The following SRBD1 variants were observed in gnomAD, a reference collection of about 807,000 sequenced individuals.
The protein encoded by SRBD1 is S1 RNA-binding domain-containing protein 1.
In SRBD1, 88 loss-of-function variants were observed where a neutral mutation model predicts 115.3. The observed-to-expected ratio is 0.76, with a 90% CI of 0.64 to 0.91. SRBD1 has a LOEUF of 0.91. Ranked by LOEUF, SRBD1 falls within the 40% of genes least tolerant of loss-of-function variation. The pLI is 0.00. For missense variants in SRBD1, 1,385 were observed against 1,177.4 expected, an observed-to-expected ratio of 1.18 and a Z score of -2.58; for synonymous variants, 509 against 407.7, an observed-to-expected ratio of 1.25 and a Z score of -2.99.
At position 45,599,785 on chromosome 2, in the gene SRBD1, T is replaced by C. The variant is rs1397993165; in HGVS notation, c.312A>G (p.Lys104=). ...ADTALEDRKN[K]LDTVQTLKTA... ...TTTTCAGAGTCTGTACAGTATCCAA[T>C]TTATTTTTTCTGTCTTCTAAAGCAG... Residue 104 remains lysine (K), a synonymous_variant, in exon 4 of 21, where the codon AAA becomes AAG. Transcript: ENST00000263736. 1 of 1,614,026 alleles carries C rather than the reference T, an allele frequency of 6.2e-7. No homozygotes were observed. The highest frequency in any genetic ancestry group is 1.1e-5 in the South Asian group (1 of 91,046).
chr2:45,459,404 G>C (rs1669247969), intron 16 of SRBD1, among the ~76,000 whole-genome samples: 1 of 152,154 alleles, frequency 6.6e-6, no homozygotes, highest in African/African-American at 2.4e-5. Flanking sequence ...TGTTTTGGAA[G>C]CTTTCCCCAT....
At position 45,579,772 on chromosome 2, in the gene SRBD1, T is replaced by C; in HGVS notation, c.1072+103A>G. On this transcript the variant is annotated intron_variant, in intron 7 of 20. Transcript: ENST00000263736. ...TTATTCTACATACGCTGTAATATTC[T>C]TTTGTATAATCAGTACTTAACAAAA... 10 of 1,294,024 alleles carry C rather than the reference T, an allele frequency of 7.7e-6. No homozygotes were observed. The South Asian group carries it at 1.1e-4, about 15-fold the overall frequency. The allele number at this position is 1,294,024 out of a possible 1,614,324, so 80.2% of individuals were successfully genotyped here.
At chr2:45,588,624 C>T (rs1228872954) in intron 4 of SRBD1, among the ~76,000 whole-genome samples, 1 of 152,140 alleles carries the variant, frequency 6.6e-6, no homozygotes, top group Non-Finnish European at 1.5e-5. Context: ...CTAACTCCAG[C>T]TCTACAGCAT....
chr2:45,520,195 C>G (rs1010333495), intron 14 of SRBD1, among the ~76,000 whole-genome samples: 1 of 152,220 alleles, frequency 6.6e-6, no homozygotes, highest in African/African-American at 2.4e-5. Context: ...ACAAAAACAG[C>G]AGCAGGGTAC....
chr2:45,413,415 A>G, intron 18 of SRBD1, 122 bp from the exon 19 acceptor site: 1 of 1,154,038 alleles, frequency 8.7e-7, no homozygotes, highest in Non-Finnish European at 1.2e-6. Flanking sequence ...CCAGATTTTG[A>G]CCTTTTACTT....
intron 16 of SRBD1, among the ~76,000 whole-genome samples, chr2:45,445,278 T>A (rs936322273): frequency 4.6e-5 from 7 of 152,276 alleles, no homozygotes; most frequent in Middle Eastern, 3.4e-3. Flanking sequence ...ACATTATTGA[T>A]GCAGATCTGT....
chr2:45,571,769 C>G (rs1328797368), intron 9 of SRBD1, among the ~76,000 whole-genome samples: 1 of 151,418 alleles, frequency 6.6e-6, no homozygotes, highest in East Asian at 1.9e-4. Flanking sequence ...GCCAGGGGTT[C>G]AACAGCAAAT....
At chr2:45,541,591 G>A (rs977763827) in intron 14 of SRBD1, among the ~76,000 whole-genome samples, 4 of 152,242 alleles carry the variant, frequency 2.6e-5, no homozygotes, top group African/African-American at 9.6e-5. Flanking sequence ...CTTTCCGCAG[G>A]CAGGTTGTCC....
intron 14 of SRBD1, among the ~76,000 whole-genome samples, chr2:45,536,108 A>T (rs1284192487): frequency 6.6e-6 from 1 of 152,036 alleles, no homozygotes; most frequent in Non-Finnish European, 1.5e-5. Context: ...AGCCCCTGGA[A>T]GTCAATGTGC....
Position 45,391,811 on chromosome 2 carries a change from T to G in SRBD1, c.2698+1134A>C, listed in dbSNP as rs140758169. Among the ~76,000 whole-genome samples the G allele has an allele frequency of 4.0e-3, 609 of 152,240 alleles. 6 individuals are homozygous for G. Among genetic ancestry groups the G allele is most frequent in the African/African-American group, 0.014 (565 of 41,522 alleles). ...TGGGATAATGGAACAATCGACACTA[T>G]GACAGAAAAATGAAGATGGATGTGA... On this transcript the variant is annotated intron_variant, in intron 20 of 20. Transcript: ENST00000263736.
intron 14 of SRBD1, among the ~76,000 whole-genome samples, chr2:45,503,716 T>C (rs1670710852): frequency 1.3e-5 from 2 of 152,184 alleles, no homozygotes; most frequent in African/African-American, 2.4e-5. Context: ...ATGTAAAATA[T>C]GTTTGATTCA....
intron 14 of SRBD1, among the ~76,000 whole-genome samples, chr2:45,491,448 A>G (rs1443129788): frequency 6.6e-6 from 1 of 152,208 alleles, no homozygotes; most frequent in Non-Finnish European, 1.5e-5. Flanking sequence ...GGGGGATTTT[A>G]ACTGCCACAG....
At chr2:45,484,588 G>A (rs1463598915) in intron 15 of SRBD1, among the ~76,000 whole-genome samples, 1 of 152,104 alleles carries the variant, frequency 6.6e-6, no homozygotes, top group Non-Finnish European at 1.5e-5. Flanking sequence ...TTTTATTGAG[G>A]TGAAATTCCC....
At chr2:45,408,690 AAGCCCTTTGGT>A (rs1161974329) in intron 19 of SRBD1, among the ~76,000 whole-genome samples, 16 of 152,292 alleles carry the variant, frequency 1.1e-4, no homozygotes, top group Admixed American at 1.0e-3. Context: ...AAAGACTTTT[AAGCCCTTTGGT>A]AGAGTAATTC....
chr2:45,414,461 ATAGT>A (rs1180204646), intron 18 of SRBD1, among the ~76,000 whole-genome samples: 2 of 150,570 alleles, frequency 1.3e-5, no homozygotes, highest in African/African-American at 2.5e-5. Context: ...TGTAGTATGT[ATAGT>A]GTGTATATAG....
At chr2:45,538,574 A>C (rs2104003439) in intron 14 of SRBD1, among the ~76,000 whole-genome samples, 1 of 152,340 alleles carries the variant, frequency 6.6e-6, no homozygotes, top group East Asian at 1.9e-4. Flanking sequence ...CTGAAATGAG[A>C]CTATGCTAAT....
At chr2:45,516,592 C>G (rs1364762902) in intron 14 of SRBD1, among the ~76,000 whole-genome samples, 2 of 152,152 alleles carry the variant, frequency 1.3e-5, no homozygotes, top group Non-Finnish European at 2.9e-5. Flanking sequence ...AGAGATAATT[C>G]TCTACATTGC....
chr2:45,475,801 C>T (rs970145960), intron 16 of SRBD1, among the ~76,000 whole-genome samples: 1 of 152,188 alleles, frequency 6.6e-6, no homozygotes, highest in Non-Finnish European at 1.5e-5. Context: ...TGGGTTCAAG[C>T]GATTGTCCTG....
chr2:45,586,075 G>C (rs1228434124), intron 4 of SRBD1, among the ~76,000 whole-genome samples: 1 of 152,096 alleles, frequency 6.6e-6, no homozygotes, highest in Non-Finnish European at 1.5e-5. Context: ...CATATTGGTA[G>C]CAAAGCAAGG....
Sources: gnomAD v4.1 joint callset for allele counts (sites outside exome capture counted in the v4.1 genomes callset) on GRCh38, gnomAD v4.1.1 for gene constraint, MANE v1.5 for transcripts, NCBI Gene and HGNC (gene_info 2026-07-23, HGNC 2026-07-21) for gene names.